Variants in WDR41 observed in about 807,000 individuals in gnomAD.
The protein encoded by WDR41 is WD repeat domain 41, also known as WD repeat-containing protein 41.
A neutral mutation model predicts 69.3 loss-of-function variants in WDR41; 63 were observed. The observed-to-expected ratio is 0.91, with a 90% CI of 0.74 to 1.12. The LOEUF is 1.12. WDR41 is among the 50% of genes most tolerant of loss of function. The pLI is 0.00. For missense variants in WDR41, 543 were observed against 534.5 expected (o/e 1.02, Z -0.16); for synonymous variants, 185 against 192.1 (o/e 0.96, Z 0.31).
chr5:77,569,273 C>T (rs1341198026), intron 1 of WDR41, among the ~76,000 whole-genome samples: 1 of 152,036 alleles, frequency 6.6e-6, no homozygotes, highest in African/African-American at 2.4e-5. Flanking sequence ...GTTAATGTTA[C>T]ATCTGGAGAA....
intron 1 of WDR41, among the ~76,000 whole-genome samples, chr5:77,524,783 C>T (rs1282724574): frequency 6.6e-6 from 1 of 152,154 alleles, no homozygotes; most frequent in Non-Finnish European, 1.5e-5. Context: ...AATACAAATA[C>T]CTAAATAAAT....
At chr5:77,455,800 A>T (rs531562757) in intron 5 of WDR41, among the ~76,000 whole-genome samples, 1 of 152,236 alleles carries the variant, frequency 6.6e-6, no homozygotes, top group South Asian at 2.1e-4. Context: ...GGTTCCATTG[A>T]TCTGCATGTC....
At chr5:77,620,081 C>A (rs1311991953) in intron 1 of WDR41, among the ~76,000 whole-genome samples, 1 of 152,016 alleles carries the variant, frequency 6.6e-6, no homozygotes, top group Non-Finnish European at 1.5e-5. Context: ...TACCCGTGTT[C>A]CCACCTACCA....
intron 1 of WDR41, among the ~76,000 whole-genome samples, chr5:77,532,665 A>C (rs1321271212): frequency 6.6e-6 from 1 of 152,140 alleles, no homozygotes; most frequent in Non-Finnish European, 1.5e-5. Flanking sequence ...AACATGGTTG[A>C]ATCTCCTAAA....
chr5:77,596,886 AG>A (rs1744237694), intron 1 of WDR41, among the ~76,000 whole-genome samples: 1 of 151,854 alleles, frequency 6.6e-6, no homozygotes, highest in Non-Finnish European at 1.5e-5. Flanking sequence ...AGGGAGGTTA[AG>A]GGGGTGGATT....
intron 1 of WDR41, chr5:77,491,227 CA>C (rs1245064404): frequency 1.0e-5 from 4 of 389,878 alleles, no homozygotes; most frequent in South Asian, 3.6e-5. Context: ...CATCCTGGCT[CA>C]AAAAGCTCCC....
chr5:77,588,046 G>T (rs1744072210), intron 1 of WDR41, among the ~76,000 whole-genome samples: 1 of 152,110 alleles, frequency 6.6e-6, no homozygotes. Flanking sequence ...AACTAATATA[G>T]TCACCTTATC....
intron 1 of WDR41, among the ~76,000 whole-genome samples, chr5:77,555,999 C>T (rs1743382048): frequency 6.7e-6 from 1 of 150,262 alleles, no homozygotes; most frequent in Non-Finnish European, 1.5e-5. Flanking sequence ...GTGGCATTTG[C>T]ACAGAAATAG....
chr5:77,535,417 T>C (rs143699074), intron 1 of WDR41, among the ~76,000 whole-genome samples: 1 of 152,334 alleles, frequency 6.6e-6, no homozygotes, highest in East Asian at 1.9e-4. Flanking sequence ...AAAACTTTCT[T>C]GGAAATCTAT....
chr5:77,598,664 T>G (rs1744268767), intron 1 of WDR41, among the ~76,000 whole-genome samples: 1 of 150,694 alleles, frequency 6.6e-6, no homozygotes, highest in East Asian at 2.0e-4. Flanking sequence ...TTGTTTTTTT[T>G]GTAGCTTAGC....
At chr5:77,528,439 A>AT (rs769559533) in intron 1 of WDR41, among the ~76,000 whole-genome samples, 73 of 151,544 alleles carry the variant, frequency 4.8e-4, no homozygotes, top group Non-Finnish European at 9.2e-4. Context: ...TCCCAGGCTA[A>AT]TTCCACCAAA....
At position 77,489,573 on chromosome 5, in the gene WDR41, C is replaced by T. The variant is rs1161713202; in HGVS notation, c.52-1G>A. 9.3e-6 allele frequency: 11 copies of T among 1,183,944 alleles called. No individual in the cohort carries two copies. The highest frequency in any genetic ancestry group is 5.0e-5 in the Admixed American group (2 of 39,918). The allele number at this position is 1,183,944 out of a possible 1,614,324, so 73.3% of individuals were successfully genotyped here. A position where few individuals can be genotyped will look rare whatever the true frequency, so the allele number is the denominator to read the frequency against. ...CACCTATTGTCTGTAAAGGAGATTT[C>T]TTGTATTGAAAAAAAAAAAAAAGCA... On this transcript the variant is annotated splice_acceptor_variant, in intron 1 of 12. Transcript: ENST00000296679. LOFTEE classifies it high-confidence loss of function.
chr5:77,502,008 T>C lies in WDR41; in HGVS notation c.43-12436A>G, dbSNP rs566028626. 6.6e-5 allele frequency among the ~76,000 whole-genome samples: 10 copies of C among 152,208 alleles called. No homozygotes were observed. In the South Asian group the frequency reaches 2.1e-3, roughly 32 times the overall value. On this transcript the variant is annotated intron_variant, in intron 1 of 5. Transcript: ENST00000509971. ...TCGCCACCAATCAAACAAAGCTGCATGGAGAATGACTTTGATGAGTTGACA... is the reference window on the plus strand; with the variant it reads ...TCGCCACCAATCAAACAAAGCTGCACGGAGAATGACTTTGATGAGTTGACA...
intron 1 of WDR41, among the ~76,000 whole-genome samples, chr5:77,569,543 C>T (rs1453585657): frequency 6.6e-6 from 1 of 152,020 alleles, no homozygotes; most frequent in Non-Finnish European, 1.5e-5. Context: ...GGATGACTTA[C>T]AAAAGCCATT....
intron 1 of WDR41, among the ~76,000 whole-genome samples, chr5:77,584,453 T>A (rs531440019): frequency 6.6e-6 from 1 of 152,262 alleles, no homozygotes; most frequent in East Asian, 1.9e-4. Context: ...AAAATGAAGT[T>A]AAGAAAGCAA....
chr5:77,523,077 G>C (rs1802393975), intron 1 of WDR41, among the ~76,000 whole-genome samples: 1 of 152,158 alleles, frequency 6.6e-6, no homozygotes, highest in Non-Finnish European at 1.5e-5. Flanking sequence ...ACTTTGGGAG[G>C]CTGAGGCAGG....
At chr5:77,566,620 T>C (rs1350243409) in intron 1 of WDR41, among the ~76,000 whole-genome samples, 1 of 152,134 alleles carries the variant, frequency 6.6e-6, no homozygotes, top group Non-Finnish European at 1.5e-5. Context: ...TCAGTGAGTT[T>C]GAGGGTGTGG....
intron 12 of WDR41, among the ~76,000 whole-genome samples, chr5:77,433,950 G>A (rs1432013689): frequency 1.3e-5 from 2 of 152,184 alleles, no homozygotes; most frequent in East Asian, 3.8e-4. Context: ...TTGACAAAAG[G>A]CAGCATGAAT....
At chr5:77,602,876 C>T (rs1312723202) in intron 1 of WDR41, among the ~76,000 whole-genome samples, 12 of 151,480 alleles carry the variant, frequency 7.9e-5, no homozygotes, top group Admixed American at 7.9e-4. Flanking sequence ...ACTTATATTC[C>T]CACCAACCAT....
Sources: allele counts gnomAD v4.1 joint callset (sites outside exome capture counted in the v4.1 genomes callset), GRCh38; gene constraint gnomAD v4.1.1; transcripts MANE v1.5; gene names NCBI Gene and HGNC (gene_info 2026-07-23, HGNC 2026-07-21).